The following TSPAN7 variants were observed in gnomAD, a reference collection of about 807,000 sequenced individuals.
The protein encoded by TSPAN7 is tetraspanin-7.
A neutral mutation model predicts 17.6 loss-of-function variants in TSPAN7; 1 was observed. The ratio of observed to expected loss-of-function variants is 0.06; its 90% CI spans 0.02 to 0.27. The LOEUF (loss-of-function observed/expected upper bound fraction) is 0.27. TSPAN7 is among the 10% of genes least tolerant of loss of function. The probability of loss-of-function intolerance (pLI) is 1.00; values close to 1 mark genes in which losing one functional copy is unlikely to be tolerated. For synonymous variants in TSPAN7, 78 were observed against 79.0 expected, an observed-to-expected ratio of 0.99 and a Z score of 0.07; for missense variants, 112 against 201.7, an observed-to-expected ratio of 0.56 and a Z score of 2.69.
intron 1 of TSPAN7, among the ~76,000 whole-genome samples, chrX:38,665,802 A>T (rs2069777951): frequency 8.9e-6 from 1 of 111,788 alleles, no homozygotes; most frequent in Non-Finnish European, 1.9e-5. Flanking sequence ...CAGCTGGGGG[A>T]AGGCTCTCAG....
chrX:38,600,924 C>G (rs1602094393), intron 1 of TSPAN7, among the ~76,000 whole-genome samples: 2 of 111,610 alleles, frequency 1.8e-5, no homozygotes, highest in South Asian at 7.5e-4. Flanking sequence ...GCTAATTTGT[C>G]TGTTTAAGCC....
At chrX:38,565,039 AC>A (rs1468411819) in intron 1 of TSPAN7, among the ~76,000 whole-genome samples, 1 of 111,409 alleles carries the variant, frequency 9.0e-6, no homozygotes, top group Non-Finnish European at 1.9e-5. Context: ...CTTTGCCAAA[AC>A]CAAGGTCACA....
chrX:38,665,534 C>T (rs1415100147), intron 1 of TSPAN7, among the ~76,000 whole-genome samples: 1 of 112,204 alleles, frequency 8.9e-6, no homozygotes, highest in Non-Finnish European at 1.9e-5. Flanking sequence ...AATCGCATTA[C>T]AGCTAATTCC....
At chrX:38,629,700 C>G (rs181918501) in intron 1 of TSPAN7, among the ~76,000 whole-genome samples, 31 of 111,604 alleles carry the variant, frequency 2.8e-4, no homozygotes, top group African/African-American at 8.8e-4. Context: ...GCCTCCAGTG[C>G]TCCTTAAGTA....
intron 1 of TSPAN7, among the ~76,000 whole-genome samples, chrX:38,661,734 T>C (rs2069746336): frequency 9.0e-6 from 1 of 111,474 alleles, no homozygotes. Context: ...ATGCTGATGA[T>C]TGATTTAGGG....
At chrX:38,648,692 T>C (rs2069659131) in intron 1 of TSPAN7, among the ~76,000 whole-genome samples, 1 of 111,565 alleles carries the variant, frequency 9.0e-6, no homozygotes, top group Non-Finnish European at 1.9e-5. Flanking sequence ...CCTTAAACAG[T>C]CCTCCCACCT....
At chrX:38,659,795 C>T (rs1292656421) in intron 1 of TSPAN7, among the ~76,000 whole-genome samples, 1 of 103,727 alleles carries the variant, frequency 9.6e-6, no homozygotes, top group African/African-American at 3.5e-5. Flanking sequence ...CCACATTCAG[C>T]TAACATTCTT....
chrX:38,644,929 C>G (rs1356831701), intron 1 of TSPAN7, among the ~76,000 whole-genome samples: 1 of 111,981 alleles, frequency 8.9e-6, no homozygotes, highest in Non-Finnish European at 1.9e-5. Context: ...GGTCTCCCGG[C>G]CGGTAAGTGG....
chrX:38,562,476 G>A (rs1223227112), intron 1 of TSPAN7, among the ~76,000 whole-genome samples: 1 of 108,526 alleles, frequency 9.2e-6, no homozygotes, highest in Non-Finnish European at 1.9e-5. Flanking sequence ...AATGCAGAAG[G>A]GTGACGTCAC....
At chrX:38,591,083 T>C (rs1374844763) in intron 1 of TSPAN7, among the ~76,000 whole-genome samples, 1 of 111,060 alleles carries the variant, frequency 9.0e-6, no homozygotes, top group Non-Finnish European at 1.9e-5. Context: ...GGAATCAGTT[T>C]TCTCTTTTTT....
chrX:38,591,917 G>T (rs781503014), intron 1 of TSPAN7, among the ~76,000 whole-genome samples: 2 of 111,947 alleles, frequency 1.8e-5, no homozygotes, highest in African/African-American at 6.5e-5. Context: ...CTGAGTAATT[G>T]ATAAAGAAAA....
intron 1 of TSPAN7, among the ~76,000 whole-genome samples, chrX:38,653,346 C>T (rs1050017461): frequency 1.8e-5 from 2 of 111,427 alleles, no homozygotes; most frequent in Non-Finnish European, 3.8e-5. Flanking sequence ...TGCCTTATCT[C>T]GTGACTCAGC....
At chrX:38,606,625 T>C (rs1012670165) in intron 1 of TSPAN7, among the ~76,000 whole-genome samples, 5 of 111,286 alleles carry the variant, frequency 4.5e-5, no homozygotes, top group Admixed American at 9.5e-5. Context: ...CTGGAAGTGA[T>C]GAATGCAACA....
At position 38,583,953 on chromosome X, in the gene TSPAN7, T is replaced by C. The variant is rs778378548; in HGVS notation, c.81+22326T>C. ...TTTTTTTCTTTTTTTTCTTTTCTTT[T>C]TTTTTTTTTTTTTTTTTTGAGATAG... On this transcript the variant is annotated intron_variant, in intron 1 of 7. Coordinates refer to ENST00000378482, the MANE Select transcript of TSPAN7 (RefSeq NM_004615.4). Among the ~76,000 whole-genome samples the C allele has an allele frequency of 2.9e-4, 26 of 90,673 alleles. No homozygotes were observed. The South Asian group carries it at 4.4e-3, about 15-fold the overall frequency. 78.7% of individuals were successfully genotyped at this position (90,673 alleles called of 115,157 possible).
In TSPAN7 at chrX:38,655,918, T is replaced by C. The variant is rs1423053097; in HGVS notation, c.82-10203T>C. Reference sequence around the variant, plus strand: ...GGAACTCCAGGAAAGCCAAATAGGTTCAACATAATTATGAGAAAGAAGTGT... The same window carrying C: ...GGAACTCCAGGAAAGCCAAATAGGTCCAACATAATTATGAGAAAGAAGTGT... On this transcript the variant is annotated intron_variant, in intron 1 of 7. Transcript: ENST00000378482. 5.3e-5 allele frequency: 15 copies of C among 281,609 alleles called. No homozygotes were observed. In the East Asian group the frequency reaches 1.5e-3, roughly 29 times the overall value. The allele number at this position is 281,609 out of a possible 1,213,427, so 23.2% of individuals were successfully genotyped here. A position where few individuals can be genotyped will look rare whatever the true frequency, so the allele number is the denominator to read the frequency against.
At chrX:38,653,166 A>G (rs1305415420) in intron 1 of TSPAN7, among the ~76,000 whole-genome samples, 4 of 112,180 alleles carry the variant, frequency 3.6e-5, no homozygotes, top group Non-Finnish European at 7.5e-5. Context: ...TCTGCAAAAC[A>G]GAGATTAAGA....
chrX:38,588,737 G>A (rs1214496755), intron 1 of TSPAN7, among the ~76,000 whole-genome samples: 2 of 111,758 alleles, frequency 1.8e-5, no homozygotes, highest in Non-Finnish European at 3.8e-5. Context: ...TTGTTTGGAT[G>A]TTCATCCTCT....
At chrX:38,665,087 G>T (rs1038984818) in intron 1 of TSPAN7, among the ~76,000 whole-genome samples, 1 of 112,058 alleles carries the variant, frequency 8.9e-6, no homozygotes, top group African/African-American at 3.2e-5. Flanking sequence ...GTATGGATTT[G>T]TATCATGCCA....
At chrX:38,609,901 A>C (rs1205398154) in intron 1 of TSPAN7, among the ~76,000 whole-genome samples, 2 of 110,447 alleles carry the variant, frequency 1.8e-5, no homozygotes, top group Admixed American at 9.7e-5. Context: ...GCAATAAAGA[A>C]ATGTCGCTAG....
Sources: gnomAD v4.1 joint callset for allele counts (sites outside exome capture counted in the v4.1 genomes callset) on GRCh38, gnomAD v4.1.1 for gene constraint, MANE v1.5 for transcripts, NCBI Gene and HGNC (gene_info 2026-07-23, HGNC 2026-07-21) for gene names.